SCN1A: variants seen among roughly 807,000 people sequenced by gnomAD.
The protein encoded by SCN1A is sodium voltage-gated channel alpha subunit 1, also known as sodium channel protein type 1 subunit alpha.
In SCN1A, 13 loss-of-function variants were observed where a neutral mutation model predicts 193.7. The ratio of observed to expected loss-of-function variants is 0.07; its 90% CI spans 0.04 to 0.11. The LOEUF (loss-of-function observed/expected upper bound fraction) is 0.11, where lower values mean the gene tolerates loss of function less well. Among genes scored for constraint, SCN1A ranks in the 10% least tolerant of loss-of-function variants. SCN1A has a pLI of 1.00. For synonymous variants in SCN1A, 781 were observed against 843.6 expected (o/e 0.93, Z 1.29); for missense variants, 1,432 against 2,451.1 (o/e 0.58, Z 8.78).
At chr2:166,088,777 G>A (rs1287226358) in intron 2 of SCN1A, among the ~76,000 whole-genome samples, 2 of 152,128 alleles carry the variant, frequency 1.3e-5, no homozygotes, top group Non-Finnish European at 2.9e-5. Context: ...GATTTGTTGC[G>A]ACAACTGTTG....
At chr2:166,068,877 C>T (rs1684120992) in intron 4 of SCN1A, among the ~76,000 whole-genome samples, 1 of 152,184 alleles carries the variant, frequency 6.6e-6, no homozygotes, top group African/African-American at 2.4e-5. Context: ...TAAAATGTCT[C>T]ATTCTATTTC....
rs78820692 is a variant in SCN1A, at chr2:166,143,737, G to T, written c.-50+5310C>A. Among the ~76,000 whole-genome samples, 276 of 152,242 alleles carry T rather than the reference G, an allele frequency of 1.8e-3. 2 individuals are homozygous for T. Among genetic ancestry groups the T allele is most frequent in the African/African-American group, 6.4e-3 (266 of 41,550 alleles). On this transcript the variant is annotated intron_variant, in intron 1 of 26. Coordinates refer to the SCN1A transcript ENST00000635750. ...CTAATTCAGGCTCTCAGTTGACAAA[G>T]AATTTACCTTACTTTGGTAAAAATT...
intron 26 of SCN1A, chr2:165,996,460 A>G (rs1690077258): frequency 5.3e-6 from 1 of 188,720 alleles, no homozygotes; most frequent in South Asian, 9.7e-5. Flanking sequence ...TATACATACT[A>G]CCTTTATGAT....
chr2:166,062,065 A>T (rs1488317521), intron 4 of SCN1A, among the ~76,000 whole-genome samples: 1 of 152,096 alleles, frequency 6.6e-6, no homozygotes, highest in African/African-American at 2.4e-5. Context: ...TTTTGCTTTA[A>T]TTTTTCATAA....
chr2:166,147,222 A>C (rs542543079), intron 1 of SCN1A, among the ~76,000 whole-genome samples: 105 of 152,206 alleles, frequency 6.9e-4, no homozygotes, highest in Non-Finnish European at 1.2e-3. Flanking sequence ...GTAGGTACTT[A>C]GTAAATTTTG....
In SCN1A at chr2:166,093,720, A is replaced by C. The variant is rs1261422451; in HGVS notation, c.-141-15919T>G. Among the ~76,000 whole-genome samples the C allele has an allele frequency of 2.0e-5, 3 of 152,180 alleles. No homozygotes were observed. The East Asian group carries it at 5.8e-4, about 29-fold the overall frequency. On this transcript the variant is annotated intron_variant, in intron 2 of 28. Transcript: ENST00000674923. ...TTATGTTTTGAATACAAGTGTTCTG[A>C]CAAAAGCACAATGTAAAAACACTGA...
At position 165,991,693 on chromosome 2, in the gene SCN1A, C is replaced by T. The variant is rs796053042; in HGVS notation, c.5582G>A (p.Arg1861Gln). Residue 1861 changes from arginine (R) to glutamine (Q), a missense_variant, in exon 29 of 29, where the codon CGG becomes CAG. Transcript: ENST00000674923. Reference sequence around the variant, plus strand: ...AAATAAGATATCAAGACAGTGGATCCGGTCACCACTCACCATGGGCAAATC... The same window carrying T: ...AAATAAGATATCAAGACAGTGGATCTGGTCACCACTCACCATGGGCAAATC... ...AMDLPMVSGDRIHCLDILFAF... is the reference protein window; with the variant it reads ...AMDLPMVSGDQIHCLDILFAF... 2 of 1,613,878 alleles carry T rather than the reference C, an allele frequency of 1.2e-6. No individual in the cohort carries two copies. The highest frequency in any genetic ancestry group is 1.1e-5 in the South Asian group (1 of 91,078).
chr2:166,104,237 A>C (rs1238636923), intron 2 of SCN1A: 2 of 152,238 alleles, frequency 1.3e-5, no homozygotes, highest in African/African-American at 4.8e-5. Context: ...TTCAACTTTA[A>C]TCTTTGCAGA....
chr2:166,129,924 C>T (rs1364311386), upstream of SCN1A, among the ~76,000 whole-genome samples: 2 of 152,098 alleles, frequency 1.3e-5, no homozygotes, highest in African/African-American at 2.4e-5. Context: ...ACGCAGCTGA[C>T]CTGGTCAAAG....
intron 2 of SCN1A, among the ~76,000 whole-genome samples, chr2:166,096,616 A>G (rs1291853111): frequency 6.6e-6 from 1 of 152,216 alleles, no homozygotes; most frequent in Non-Finnish European, 1.5e-5. Context: ...ATATACATGT[A>G]TAGATATGCA....
At position 165,991,845 on chromosome 2, in the gene SCN1A, C is replaced by T. The variant is rs765676433; in HGVS notation, c.5430G>A (p.Glu1810=). ...CATCGGGATCAAACTTCTCCCAAAC[C>T]TCATAGAACATCTCAAAGTCATCCT... ...LSEDDFEMFY[E]VWEKFDPDAT... Residue 1810 remains glutamate, a synonymous_variant, in exon 29 of 29, where the codon GAG becomes GAA. Coordinates refer to ENST00000674923, the MANE Select transcript of SCN1A (RefSeq NM_001165963.4). The T allele has an allele frequency of 9.3e-6, 15 of 1,613,810 alleles. No homozygotes were observed. The Middle Eastern group carries it at 1.2e-3, about 124-fold the overall frequency.
rs114073284 is a variant in SCN1A at position 166,021,285 on chromosome 2, C to T, written c.3430-5558G>A. Among the ~76,000 whole-genome samples the T allele has an allele frequency of 6.4e-3, 973 of 152,184 alleles. 15 individuals are homozygous for T. The highest frequency in any genetic ancestry group is 0.022 in the African/African-American group (929 of 41,512). On this transcript the variant is annotated intron_variant, in intron 19 of 28. Transcript: ENST00000674923. Reference sequence around the variant, plus strand: ...ATGTCAATGAATTACTCTAGATAAACTATGATAACCTGAGAGAAGTGTTAG... The same window carrying T: ...ATGTCAATGAATTACTCTAGATAAATTATGATAACCTGAGAGAAGTGTTAG...
rs113911720 is a variant in SCN1A, at chr2:166,124,090, C to T, written c.-142+2834G>A. 3.2e-3 allele frequency among the ~76,000 whole-genome samples: 484 copies of T among 152,298 alleles called. 3 individuals carry two copies. Among genetic ancestry groups the T allele is most frequent in the African/African-American group, 0.011 (471 of 41,566 alleles). ...GCAGTATTTTTCTTCAAAGAACTTACATTTACTGACATTTCTTTGCACATT... is the reference window on the plus strand; with the variant it reads ...GCAGTATTTTTCTTCAAAGAACTTATATTTACTGACATTTCTTTGCACATT... On this transcript the variant is annotated intron_variant, in intron 2 of 28. Coordinates refer to ENST00000674923, the MANE Select transcript of SCN1A (RefSeq NM_001165963.4).
intron 2 of SCN1A, among the ~76,000 whole-genome samples, chr2:166,110,546 G>A (rs1689186092): frequency 6.6e-6 from 1 of 152,174 alleles, no homozygotes; most frequent in Non-Finnish European, 1.5e-5. Flanking sequence ...TGAACTCTGT[G>A]AAGGCTGAGA....
Position 166,116,741 on chromosome 2 carries a change from A to G in SCN1A, c.-142+10183T>C, listed in dbSNP as rs1330620389. On this transcript the variant is annotated intron_variant, in intron 2 of 28. Coordinates refer to ENST00000674923, the MANE Select transcript of SCN1A (RefSeq NM_001165963.4). The stretch of plus-strand genomic sequence containing the variant: ...GAGGAAACAAAAAATTCTTCTTTAT[A>G]ATGAGTTCAATGTATTGCCATTTAC... 7.2e-5 allele frequency among the ~76,000 whole-genome samples: 11 copies of G among 152,286 alleles called. No homozygotes were observed. In the East Asian group the frequency reaches 2.1e-3, roughly 29 times the overall value.
At chr2:166,009,660 A>G in intron 23 of SCN1A, 59 bp downstream of exon 23, 1 of 1,517,356 alleles carries the variant, frequency 6.6e-7, no homozygotes, top group Non-Finnish European at 8.9e-7. Flanking sequence ...CTTTTTCTAA[A>G]TTTAATTTAG....
At position 165,999,633 on chromosome 2, in the gene SCN1A, A is replaced by G. The variant is rs895534175; in HGVS notation, c.4338+90T>C. ...CCCAAATATTTTAAATCAAGATAGAATCATTTCATTTGGTCGTTTATGCTT... is the reference window on the plus strand; with the variant it reads ...CCCAAATATTTTAAATCAAGATAGAGTCATTTCATTTGGTCGTTTATGCTT... On this transcript the variant is annotated intron_variant, in intron 25 of 28. Coordinates refer to ENST00000674923, the MANE Select transcript of SCN1A (RefSeq NM_001165963.4). 18 of 938,304 alleles carry G rather than the reference A, an allele frequency of 1.9e-5. No homozygotes were observed. The African/African-American group carries it at 2.4e-4, about 13-fold the overall frequency. 58.1% of individuals were successfully genotyped at this position (938,304 alleles called of 1,614,324 possible).
chr2:165,995,065 C>T (rs188642528), intron 27 of SCN1A, among the ~76,000 whole-genome samples: 7 of 151,806 alleles, frequency 4.6e-5, no homozygotes, highest in South Asian at 2.1e-4. Flanking sequence ...CGTTCTTTGT[C>T]GTTGATCTGT....
chr2:166,124,048 C>T (rs998846167), intron 2 of SCN1A, among the ~76,000 whole-genome samples: 6 of 152,190 alleles, frequency 3.9e-5, no homozygotes, highest in African/African-American at 1.4e-4. Context: ...CTCTCATCCT[C>T]ACTATCTCTT....
Sources: allele counts gnomAD v4.1 joint callset (sites outside exome capture counted in the v4.1 genomes callset), GRCh38; gene constraint gnomAD v4.1.1; transcripts MANE v1.5; gene names NCBI Gene and HGNC (gene_info 2026-07-23, HGNC 2026-07-21).